Variants in CFAP54 observed in about 807,000 individuals in gnomAD.
CFAP54 encodes the protein cilia and flagella associated protein 54, also known as cilia- and flagella-associated protein 54.
In CFAP54, 290 loss-of-function variants were observed where a neutral mutation model predicts 370.4. The ratio of observed to expected loss-of-function variants is 0.78; its 90% confidence interval spans 0.71 to 0.86. The LOEUF is 0.86. Among genes scored for constraint, CFAP54 ranks in the 40% least tolerant of loss-of-function variants. CFAP54 has a pLI of 0.00. For synonymous variants in CFAP54, 1,206 were observed against 1,236.5 expected, an observed-to-expected ratio of 0.98 and a Z score of 0.52; for missense variants, 3,399 against 3,528.7, an observed-to-expected ratio of 0.96 and a Z score of 0.93.
At chr12:96,561,323 G>A (rs1955813107) in intron 17 of CFAP54, among the ~76,000 whole-genome samples, 1 of 152,126 alleles carries the variant, frequency 6.6e-6, no homozygotes, top group Non-Finnish European at 1.5e-5. Flanking sequence ...TCTGCCTACT[G>A]CCATCCATGT....
chr12:96,827,084 T>C (rs1439966552), intron 65 of CFAP54, among the ~76,000 whole-genome samples: 2 of 131,628 alleles, frequency 1.5e-5, no homozygotes, highest in Non-Finnish European at 3.1e-5. Flanking sequence ...TTATATGTGA[T>C]TATATATAAT....
At position 96,512,301 on chromosome 12, in the gene CFAP54, T is replaced by TTATATATATA. The variant is rs1165045194; in HGVS notation, c.740-645_740-636dup. On this transcript the variant is annotated intron_variant, in intron 4 of 67. Coordinates refer to ENST00000524981, the MANE Select transcript of CFAP54 (RefSeq NM_001306084.2). ...GATAAGGAAACCATGGGAACCAATT[T>TTATATATATA]TATATATATATATATATATATATAT... is the stretch of plus-strand genomic sequence containing the variant. Among the ~76,000 whole-genome samples the TTATATATATA allele has an allele frequency of 5.1e-3, 158 of 30,912 alleles. 5 individuals are homozygous for TTATATATATA. The highest frequency in any genetic ancestry group is 9.4e-3 in the East Asian group (7 of 744). The allele number at this position is 30,912 out of a possible 152,430, so 20.3% of individuals were successfully genotyped here. A position where few individuals can be genotyped will look rare whatever the true frequency, so the allele number is the denominator to read the frequency against.
intron 17 of CFAP54, among the ~76,000 whole-genome samples, chr12:96,562,315 G>T (rs1382948862): frequency 6.6e-6 from 1 of 151,330 alleles, no homozygotes; most frequent in Non-Finnish European, 1.5e-5. Flanking sequence ...AGTTCATTTT[G>T]TCTCTAGAAA....
In CFAP54 at chr12:96,554,619, A is replaced by AT. The variant is rs1846596968; in HGVS notation, c.2284-52dup. On this transcript the variant is annotated intron_variant, in intron 16 of 67. Coordinates refer to ENST00000524981, the MANE Select transcript of CFAP54 (RefSeq NM_001306084.2). ...ACTTGAGTGATAATAGTATACAGCTATTTTTGTGTGTTTTGATAACTATAT... is the reference window on the plus strand; with the variant it reads ...ACTTGAGTGATAATAGTATACAGCTATTTTTTGTGTGTTTTGATAACTATAT... 9 of 1,434,300 alleles carry AT rather than the reference A, an allele frequency of 6.3e-6. No homozygotes were observed. The Admixed American group carries it at 2.0e-4, about 32-fold the overall frequency. 88.8% of individuals were successfully genotyped at this position (1,434,300 alleles called of 1,614,324 possible).
chr12:96,750,743 C>T (rs908657771), intron 55 of CFAP54, among the ~76,000 whole-genome samples: 2 of 152,204 alleles, frequency 1.3e-5, no homozygotes, highest in African/African-American at 2.4e-5. Context: ...TGTGTCACCA[C>T]TCAATGACAA....
chr12:96,729,945 A>G (rs1406644796), intron 50 of CFAP54, among the ~76,000 whole-genome samples: 3 of 152,168 alleles, frequency 2.0e-5, no homozygotes, highest in Admixed American at 6.5e-5. Flanking sequence ...GAGAGATGAT[A>G]ATGAAAAAGA....
chr12:96,872,926 A>AT, intron 67 of CFAP54, among the ~76,000 whole-genome samples: 1 of 152,240 alleles, frequency 6.6e-6, no homozygotes, highest in East Asian at 1.9e-4. Context: ...AAAGAGAGGA[A>AT]TTTATTTACT....
chr12:96,737,543 A>G (rs1459397570), intron 50 of CFAP54, among the ~76,000 whole-genome samples: 2 of 149,406 alleles, frequency 1.3e-5, no homozygotes, highest in Non-Finnish European at 3.0e-5. Context: ...AGGCTGGAGT[A>G]CAGTGGCGCC....
intron 60 of CFAP54, among the ~76,000 whole-genome samples, chr12:96,780,184 A>T (rs1244562892): frequency 6.6e-6 from 1 of 152,092 alleles, no homozygotes; most frequent in Non-Finnish European, 1.5e-5. Context: ...AAAGTTTATA[A>T]TTTTTATGCC....
Position 96,682,238 on chromosome 12 carries a change from T to C in CFAP54, c.5717-2410T>C, listed in dbSNP as rs544474548. 1.1e-4 allele frequency: 112 copies of C among 985,748 alleles called. 1 individual carries two copies. In the African/African-American group the frequency reaches 1.8e-3, roughly 16 times the overall value. The allele number at this position is 985,748 out of a possible 1,614,324, so 61.1% of individuals were successfully genotyped here. A position where few individuals can be genotyped will look rare whatever the true frequency, so the allele number is the denominator to read the frequency against. On this transcript the variant is annotated intron_variant, in intron 40 of 67. Transcript: ENST00000524981. The stretch of plus-strand genomic sequence containing the variant: ...ATGCATATGTCAATACCCCCTGACC[T>C]TTCTCAGGAGCACTTCAGAGTTTTT...
intron 17 of CFAP54, among the ~76,000 whole-genome samples, chr12:96,561,621 T>A (rs1414014450): frequency 6.6e-6 from 1 of 151,830 alleles, no homozygotes; most frequent in East Asian, 1.9e-4. Flanking sequence ...GGAAATGGTA[T>A]TTAGAAACCA....
chr12:96,860,814 C>T lies in CFAP54; in HGVS notation c.9172-5C>T. The T allele has an allele frequency of 6.6e-7, 1 of 1,525,372 alleles. No homozygotes were observed. The highest frequency in any genetic ancestry group is 8.7e-7 in the Non-Finnish European group (1 of 1,143,216). 94.5% of individuals were successfully genotyped at this position (1,525,372 alleles called of 1,614,324 possible). ...TTTCATGAACACTTTTATGTTTTTCCTCAGGTCCCATTTGATATCTCACTG... is the reference window on the plus strand; with the variant it reads ...TTTCATGAACACTTTTATGTTTTTCTTCAGGTCCCATTTGATATCTCACTG... On this transcript the variant is annotated splice_polypyrimidine_tract_variant and splice_region_variant and intron_variant, in intron 66 of 67. Transcript: ENST00000524981.
intron 67 of CFAP54, among the ~76,000 whole-genome samples, chr12:96,874,647 T>TTTTTAGG: frequency 9.5e-6 from 1 of 105,076 alleles, no homozygotes; most frequent in African/African-American, 3.6e-5. Flanking sequence ...TTTTTTTTTT[T>TTTTTAGG]GAGACGGAGT....
At chr12:96,861,583 C>G (rs1469725455) in intron 67 of CFAP54, among the ~76,000 whole-genome samples, 1 of 152,170 alleles carries the variant, frequency 6.6e-6, no homozygotes, top group African/African-American at 2.4e-5. Context: ...TTTTAGAGTG[C>G]CAGCTTTAGA....
intron 66 of CFAP54, among the ~76,000 whole-genome samples, chr12:96,846,659 G>A (rs768720379): frequency 2.0e-5 from 3 of 152,084 alleles, no homozygotes; most frequent in Admixed American, 6.5e-5. Context: ...TCCCTATAAA[G>A]AGCATATGCC....
At chr12:96,523,202 T>G (rs1417511517) in intron 8 of CFAP54, among the ~76,000 whole-genome samples, 1 of 152,156 alleles carries the variant, frequency 6.6e-6, no homozygotes, top group East Asian at 1.9e-4. Flanking sequence ...GTATCAAATC[T>G]CAGAACCTGG....
At chr12:96,660,504 A>G (rs891819997) in intron 38 of CFAP54, among the ~76,000 whole-genome samples, 1 of 152,006 alleles carries the variant, frequency 6.6e-6, no homozygotes. Flanking sequence ...TTTTGTGTTG[A>G]TATATCTAAC....
At chr12:96,787,598 T>G (rs932913136) in intron 62 of CFAP54, among the ~76,000 whole-genome samples, 1 of 152,154 alleles carries the variant, frequency 6.6e-6, no homozygotes, top group Non-Finnish European at 1.5e-5. Context: ...TACTTAAAAA[T>G]AAGAATATGT....
intron 39 of CFAP54, among the ~76,000 whole-genome samples, chr12:96,675,348 C>G (rs1020211378): frequency 2.6e-5 from 4 of 152,204 alleles, no homozygotes; most frequent in African/African-American, 9.7e-5. Flanking sequence ...TGCTCATCAT[C>G]ACTGGCCATC....
Sources: gnomAD v4.1 joint callset for allele counts (sites outside exome capture counted in the v4.1 genomes callset) on GRCh38, gnomAD v4.1.1 for gene constraint, MANE v1.5 for transcripts, NCBI Gene and HGNC (gene_info 2026-07-23, HGNC 2026-07-21) for gene names.